The following IMMP1L variants were observed in gnomAD, a reference collection of about 807,000 sequenced individuals.
IMMP1L encodes mitochondrial inner membrane protease subunit 1.
In IMMP1L, 24 loss-of-function variants were observed where a neutral mutation model predicts 21.8. The observed-to-expected ratio is 1.10, with a 90% CI of 0.80 to 1.55. The LOEUF is 1.55. Among genes scored for constraint, IMMP1L ranks in the 40% most tolerant of loss-of-function variants. IMMP1L has a pLI of 0.00. For missense variants in IMMP1L, 195 were observed against 200.7 expected (o/e 0.97, Z 0.17); for synonymous variants, 46 against 62.8 (o/e 0.73, Z 1.26).
At chr11:31,451,995 A>C (rs1050713796) in intron 4 of IMMP1L, among the ~76,000 whole-genome samples, 8 of 152,238 alleles carry the variant, frequency 5.3e-5, no homozygotes, top group African/African-American at 1.9e-4. Flanking sequence ...TATTAACAAT[A>C]GGTCAAGTAT....
rs567857387 is a variant in IMMP1L, at chr11:31,453,047, C to G, written c.321+3213G>C. The G allele has an allele frequency of 1.2e-4, 158 of 1,287,462 alleles. 1 individual carries two copies. In the South Asian group the frequency reaches 1.9e-3, roughly 15 times the overall value. The allele number at this position is 1,287,462 out of a possible 1,614,324, so 79.8% of individuals were successfully genotyped here. ...GATTACAGGCGTGAGCCACCGCGGC[C>G]GGCCAGCAACAGCATCTTAATAGGA... On this transcript the variant is annotated intron_variant, in intron 4 of 5. Coordinates refer to ENST00000532287, the MANE Select transcript of IMMP1L (RefSeq NM_001304274.2).
intron 4 of IMMP1L, among the ~76,000 whole-genome samples, chr11:31,440,267 T>C (rs1953276483): frequency 6.6e-6 from 1 of 152,226 alleles, no homozygotes; most frequent in Non-Finnish European, 1.5e-5. Flanking sequence ...TGCTATGCAA[T>C]GTATTAAAAC....
intron 1 of IMMP1L, among the ~76,000 whole-genome samples, chr11:31,490,328 C>T (rs972673067): frequency 1.3e-5 from 2 of 151,964 alleles, no homozygotes; most frequent in East Asian, 1.9e-4. Context: ...AAAAATTAGC[C>T]GGGCATCGTG....
At chr11:31,502,479 G>A (rs755264133) in intron 1 of IMMP1L, among the ~76,000 whole-genome samples, 10 of 152,176 alleles carry the variant, frequency 6.6e-5, no homozygotes, top group Non-Finnish European at 1.3e-4. Context: ...CATTGGTCCA[G>A]GATTTATTTA....
intron 1 of IMMP1L, among the ~76,000 whole-genome samples, chr11:31,506,242 T>C (rs887482546): frequency 5.6e-5 from 6 of 107,976 alleles, no homozygotes; most frequent in Non-Finnish European, 1.2e-4. Context: ...TTTTTTTTTT[T>C]TTTGAGACAC....
chr11:31,461,995 C>A (rs2133662476), intron 2 of IMMP1L, among the ~76,000 whole-genome samples: 1 of 152,128 alleles, frequency 6.6e-6, no homozygotes, highest in African/African-American at 2.4e-5. Context: ...TTTGGAAGTA[C>A]CAATCTAACT....
chr11:31,507,181 A>C (rs1472304514), intron 1 of IMMP1L, among the ~76,000 whole-genome samples: 1 of 151,302 alleles, frequency 6.6e-6, no homozygotes, highest in East Asian at 2.0e-4. Flanking sequence ...CGGGAGGCTG[A>C]GGCAGGAGAA....
rs1293742239 is a variant in IMMP1L, at chr11:31,432,459, T to C, written c.*41A>G. 5 of 1,364,968 alleles carry C rather than the reference T, an allele frequency of 3.7e-6. No individual in the cohort carries two copies. Among genetic ancestry groups the C allele is most frequent in the Non-Finnish European group, 5.2e-6 (5 of 955,104 alleles). 84.6% of individuals were successfully genotyped at this position (1,364,968 alleles called of 1,614,324 possible). ...TTTCAACGGGAGTAATAAATTCACA[T>C]GAAAAGGAGACAATAATCAAGTCAA... is the stretch of plus-strand genomic sequence containing the variant. On this transcript the variant is annotated 3_prime_UTR_variant, in exon 6 of 6. Coordinates refer to ENST00000532287, the MANE Select transcript of IMMP1L (RefSeq NM_001304274.2).
chr11:31,486,087 G>A (rs925965104), intron 1 of IMMP1L, among the ~76,000 whole-genome samples: 2 of 150,550 alleles, frequency 1.3e-5, no homozygotes, highest in Admixed American at 1.3e-4. Context: ...CTCTCCTTAC[G>A]ATAGACATGC....
intron 1 of IMMP1L, among the ~76,000 whole-genome samples, chr11:31,494,807 A>C (rs1469373421): frequency 6.6e-6 from 1 of 152,046 alleles, no homozygotes; most frequent in African/African-American, 2.4e-5. Flanking sequence ...CACCACGCCC[A>C]GCTAATTTTT....
chr11:31,483,961 T>C (rs73467266), intron 1 of IMMP1L, among the ~76,000 whole-genome samples: 7,195 of 151,882 alleles, frequency 0.047, 463 homozygotes, highest in African/African-American at 0.13. Flanking sequence ...TTTTCTTATA[T>C]TGAAAAGATG....
chr11:31,496,048 C>T (rs1955420112), intron 1 of IMMP1L, among the ~76,000 whole-genome samples: 1 of 150,914 alleles, frequency 6.6e-6, no homozygotes, highest in Non-Finnish European at 1.5e-5. Flanking sequence ...AAAGTATTTG[C>T]ATATCATACA....
At chr11:31,449,904 CA>C (rs1384221799) in intron 4 of IMMP1L, among the ~76,000 whole-genome samples, 1 of 152,116 alleles carries the variant, frequency 6.6e-6, no homozygotes. Context: ...GTAACAATAG[CA>C]AAAGACTGCT....
intron 4 of IMMP1L, chr11:31,452,573 G>A: frequency 2.0e-6 from 2 of 985,426 alleles, no homozygotes; most frequent in Non-Finnish European, 2.4e-6. Context: ...AATTCCTGTA[G>A]AATATACAGA....
chr11:31,437,240 A>G, intron 4 of IMMP1L: 1 of 380,306 alleles, frequency 2.6e-6, no homozygotes, highest in Non-Finnish European at 5.2e-6. Flanking sequence ...AAGAGACCCA[A>G]GTCTAAACAT....
chr11:31,448,266 G>T (rs1229240306), intron 4 of IMMP1L, among the ~76,000 whole-genome samples: 5 of 152,130 alleles, frequency 3.3e-5, no homozygotes, highest in African/African-American at 4.8e-5. Flanking sequence ...CCAAGATTGT[G>T]CACTGCAGTC....
chr11:31,486,766 A>AT (rs1955093663), intron 1 of IMMP1L, among the ~76,000 whole-genome samples: 1 of 151,964 alleles, frequency 6.6e-6, no homozygotes, highest in African/African-American at 2.4e-5. Flanking sequence ...AAAACTACAC[A>AT]TAACTACATG....
In IMMP1L at chr11:31,474,186, TC is replaced by T. The variant is rs202247247; in HGVS notation, c.-29-10882del. 4.0e-3 allele frequency among the ~76,000 whole-genome samples: 605 copies of T among 152,240 alleles called. 4 individuals are homozygous for T. The highest frequency in any genetic ancestry group is 6.3e-3 in the Non-Finnish European group (429 of 68,022). On this transcript the variant is annotated intron_variant, in intron 1 of 5. Transcript: ENST00000532287. Reference sequence around the variant, plus strand: ...CAAAGTCAAGAATACTTACACAAAATCCATTTTCCCCACAGAATGATGCATA... The same window carrying T: ...CAAAGTCAAGAATACTTACACAAAATCATTTTCCCCACAGAATGATGCATA...
chr11:31,461,866 A>G (rs2133661794), intron 2 of IMMP1L, among the ~76,000 whole-genome samples: 1 of 152,314 alleles, frequency 6.6e-6, no homozygotes, highest in South Asian at 2.1e-4. Context: ...TATCATCGCC[A>G]CTTTAAAAAT....
Sources: allele counts gnomAD v4.1 joint callset (sites outside exome capture counted in the v4.1 genomes callset), GRCh38; gene constraint gnomAD v4.1.1; transcripts MANE v1.5; gene names NCBI Gene and HGNC (gene_info 2026-07-23, HGNC 2026-07-21).